The following MYLK2 variants were observed in gnomAD, a reference collection of about 807,000 sequenced individuals.
MYLK2 encodes the protein myosin light chain kinase 2.
In MYLK2, 27 loss-of-function variants were observed where a neutral mutation model predicts 58.2. The ratio of observed to expected loss-of-function variants is 0.46; its 90% CI spans 0.34 to 0.64. The LOEUF (loss-of-function observed/expected upper bound fraction) is 0.64, where lower values mean the gene tolerates loss of function less well. MYLK2 is among the 30% of genes least tolerant of loss of function. The pLI is 0.01. For missense variants in MYLK2, 676 were observed against 764.3 expected (o/e 0.88, Z 1.36); for synonymous variants, 310 against 296.7 (o/e 1.04, Z -0.46).
Position 31,833,773 on chromosome 20 carries a change from G to A in MYLK2, c.1767G>A (p.Gly589=). ...GCTTCAAGAAGATCAGCAGCTCGGGGGCACTGATGGCTCTGGGGGTCTGAG... is the reference window on the plus strand; with the variant it reads ...GCTTCAAGAAGATCAGCAGCTCGGGAGCACTGATGGCTCTGGGGGTCTGAG... ...ANRFKKISSS[G]ALMALGV Residue 589 remains glycine, a synonymous_variant, in exon 13 of 13, where the codon GGG becomes GGA. Coordinates refer to ENST00000375985, the MANE Select transcript of MYLK2 (RefSeq NM_033118.4). 2 of 1,613,488 alleles carry A rather than the reference G, an allele frequency of 1.2e-6. No individual in the cohort carries two copies. Among genetic ancestry groups the A allele is most frequent in the Non-Finnish European group, 1.7e-6 (2 of 1,180,000 alleles).
rs1480549270 is a variant in MYLK2 at position 31,834,616 on chromosome 20, TAGGA to T, written c.*823_*826del. ...ATGGGGTCAGCAGGCCCAGGAGAAT[TAGGA>T]AGGCCATGGGGCAGCCTCCAGTCTG... On this transcript the variant is annotated 3_prime_UTR_variant, in exon 13 of 13. Coordinates refer to ENST00000375985, the MANE Select transcript of MYLK2 (RefSeq NM_033118.4). 1 of 152,650 alleles carries T rather than the reference TAGGA, an allele frequency of 6.6e-6. No individual in the cohort carries two copies. Among genetic ancestry groups the T allele is most frequent in the Non-Finnish European group, 1.5e-5 (1 of 68,062 alleles). The allele number at this position is 152,650 out of a possible 1,614,324, so 9.5% of individuals were successfully genotyped here.
intron 12 of MYLK2, 98 bp downstream of exon 12, chr20:31,832,234 GT>G (rs2062310774): frequency 2.0e-6 from 3 of 1,509,432 alleles, no homozygotes; most frequent in Non-Finnish European, 2.7e-6. Context: ...GGCAGGTTCT[GT>G]TGACCAGGCT....
intron 8 of MYLK2, chr20:31,827,329 A>T (rs776994306): frequency 1.1e-4 from 111 of 985,144 alleles, no homozygotes; most frequent in Non-Finnish European, 1.2e-4. Flanking sequence ...CTGATCATTT[A>T]TTCAAAAGCA....
chr20:31,833,786 CTGGGGGTCTGAG>C lies in MYLK2; in HGVS notation c.1781_*1del. On this transcript the variant is annotated stop_lost and 3_prime_UTR_variant, in exon 13 of 13. Transcript: ENST00000375985. ...CAGCAGCTCGGGGGCACTGATGGCTCTGGGGGTCTGAGCCCTGGGCGCAGCTGAAGCCTGGAC... is the reference window on the plus strand; with the variant it reads ...CAGCAGCTCGGGGGCACTGATGGCTCCCCTGGGCGCAGCTGAAGCCTGGAC... 6.2e-7 allele frequency: 1 copy of C among 1,613,010 alleles called. No individual in the cohort carries two copies. The highest frequency in any genetic ancestry group is 1.1e-5 in the South Asian group (1 of 91,078).
chr20:31,822,978 G>A (rs554733050), intron 4 of MYLK2, among the ~76,000 whole-genome samples: 2 of 152,300 alleles, frequency 1.3e-5, no homozygotes, highest in East Asian at 1.9e-4. Context: ...CACACTTGCC[G>A]CTAGGTGGCG....
At chr20:31,820,703 C>T (rs1048781041) in intron 3 of MYLK2, among the ~76,000 whole-genome samples, 157 bp downstream of exon 3, 6 of 152,146 alleles carry the variant, frequency 3.9e-5, no homozygotes, top group Admixed American at 1.3e-4. Context: ...TTGCCTCTAC[C>T]GCCTTGTCCC....
At chr20:31,823,955 G>C in intron 5 of MYLK2, 1 of 985,302 alleles carries the variant, frequency 1.0e-6, no homozygotes. Context: ...CCCTCCCCCA[G>C]GGCCCAGGGC....
chr20:31,832,766 C>T (rs1268626027), intron 12 of MYLK2, among the ~76,000 whole-genome samples: 2 of 152,176 alleles, frequency 1.3e-5, no homozygotes, highest in African/African-American at 2.4e-5. Context: ...GCTGGGATTA[C>T]AGGCGTGAGC....
chr20:31,820,800 C>T (rs1480692064), intron 3 of MYLK2, among the ~76,000 whole-genome samples: 6 of 152,186 alleles, frequency 3.9e-5, no homozygotes, highest in African/African-American at 1.4e-4. Context: ...CATATCTTCT[C>T]TAGGCTTCTG....
At chr20:31,820,093 T>A (rs2062243715) in intron 2 of MYLK2, 33 bp from the exon 3 acceptor site, 1 of 1,611,582 alleles carries the variant, frequency 6.2e-7, no homozygotes, top group Admixed American at 1.7e-5. Context: ...GAAAGGAGGG[T>A]GGATCCTGAT....
chr20:31,828,213 A>G, intron 8 of MYLK2: 1 of 985,070 alleles, frequency 1.0e-6, no homozygotes, highest in Non-Finnish European at 1.2e-6. Context: ...CATTGCAGCA[A>G]CTCCAGTCAG....
In MYLK2 at chr20:31,819,629, A is replaced by G; in HGVS notation, c.49A>G (p.Thr17Ala). ...TGAGCTGGGAATTCAGAACCCATCA[A>G]CAGGTGCCAAGCTGGGGCAGGAGAT... Reference protein sequence around the residue: ...AVELGIQNPSTDKAPKGPTGE... With the variant: ...AVELGIQNPSADKAPKGPTGE... Residue 17 changes from threonine to alanine, a missense_variant, in exon 2 of 13, where the codon ACA becomes GCA. Around this residue, in one of 2 missense-constraint regions of MYLK2, gnomAD observed 306 missense variants for 296.5 expected, o/e 1.03. Transcript: ENST00000375985. The G allele has an allele frequency of 6.4e-7, 1 of 1,551,550 alleles. No homozygotes were observed. Among genetic ancestry groups the G allele is most frequent in the Non-Finnish European group, 8.7e-7 (1 of 1,147,012 alleles).
chr20:31,831,774 G>A lies in MYLK2; in HGVS notation c.1496G>A (p.Trp499Ter), dbSNP rs2062307658. Reference protein sequence around the residue: ...ETLNNVLSGNWYFDEETFEAV... With the variant: ...ETLNNVLSGN The stretch of plus-strand genomic sequence containing the variant: ...CTAAACAACGTTCTATCTGGCAACT[G>A]GTACTTTGATGAAGAGACCTTTGAG... Residue 499 changes from tryptophan (W) to a stop codon, truncating the protein, a stop_gained, in exon 11 of 13, where the codon TGG becomes TAG. Transcript: ENST00000375985. LOFTEE classifies it high-confidence loss of function. 1 of 1,614,110 alleles carries A rather than the reference G, an allele frequency of 6.2e-7. No individual in the cohort carries two copies. The highest frequency in any genetic ancestry group is 1.3e-5 in the African/African-American group (1 of 75,028).
chr20:31,827,299 A>G, intron 8 of MYLK2: 3 of 985,360 alleles, frequency 3.0e-6, no homozygotes, highest in Non-Finnish European at 3.6e-6. Context: ...GCCTTGGCCC[A>G]TGATAGGTAC....
chr20:31,827,914 G>C (rs1159850434), intron 8 of MYLK2, among the ~76,000 whole-genome samples: 1 of 117,254 alleles, frequency 8.5e-6, no homozygotes, highest in Non-Finnish European at 1.7e-5. Flanking sequence ...GAGACAGAAA[G>C]TCTTGGTCTG....
At position 31,820,352 on chromosome 20, in the gene MYLK2, C is replaced by T. The variant is rs749118846; in HGVS notation, c.279C>T (p.Pro93=). 6.8e-6 allele frequency: 11 copies of T among 1,612,672 alleles called. No individual in the cohort carries two copies. Among genetic ancestry groups the T allele is most frequent in the Admixed American group, 1.7e-5 (1 of 59,988 alleles). The stretch of plus-strand genomic sequence containing the variant: ...GGCCCGCGGAGGGCAGTGCTGGGCC[C>T]CCGGCAGCCCTGCCCCAGCAGACTG... The part of the protein sequence containing the change: ...GGGPAEGSAG[P]PAALPQQTAT... The change falls in exon 3 of 13, where the codon CCC becomes CCT. Residue 93 remains proline (P), a synonymous_variant. Transcript: ENST00000375985.
chr20:31,826,708 T>G lies in MYLK2; in HGVS notation c.1076T>G (p.Met359Arg), dbSNP rs752716920. ...IETPHEIVLF[M>R]EYIEGGELFE... ...ACTCCGCATGAGATCGTCCTGTTCATGGAGTAGTGAGTGCCCGAAGTAGTG... is the reference window on the plus strand; with the variant it reads ...ACTCCGCATGAGATCGTCCTGTTCAGGGAGTAGTGAGTGCCCGAAGTAGTG... Residue 359 changes from methionine (M) to arginine (R), a missense_variant, in exon 7 of 13, where the codon ATG becomes AGG. By Grantham distance (91) the Met-to-Arg change is moderately conservative. This residue lies in a region of MYLK2 where 370 missense variants were observed against 467.8 expected (regional missense o/e 0.79). Transcript: ENST00000375985. 6.2e-7 allele frequency: 1 copy of G among 1,613,630 alleles called. No individual in the cohort carries two copies. Among genetic ancestry groups the G allele is most frequent in the Admixed American group, 1.7e-5 (1 of 59,986 alleles).
At chr20:31,822,735 G>A (rs1444432208) in intron 4 of MYLK2, among the ~76,000 whole-genome samples, 1 of 152,106 alleles carries the variant, frequency 6.6e-6, no homozygotes. Context: ...GACAGGGTGG[G>A]AGGACCTGGC....
intron 6 of MYLK2, among the ~76,000 whole-genome samples, chr20:31,826,327 G>A (rs2062279307): frequency 6.6e-6 from 1 of 152,154 alleles, no homozygotes; most frequent in African/African-American, 2.4e-5. Flanking sequence ...GATGCCCAGG[G>A]AGAGAGCAGA....
Sources: allele counts gnomAD v4.1 joint callset (sites outside exome capture counted in the v4.1 genomes callset), GRCh38; gene constraint gnomAD v4.1.1; regional missense constraint gnomAD v4.1.1; transcripts MANE v1.5; gene names NCBI Gene and HGNC (gene_info 2026-07-23, HGNC 2026-07-21).